The following HECW1 variants were observed in gnomAD, a reference collection of about 807,000 sequenced individuals.
HECW1 encodes HECT, C2 and WW domain containing E3 ubiquitin protein ligase 1, also known as E3 ubiquitin-protein ligase HECW1.
HECW1 carries 61 observed loss-of-function variants against 182.3 expected under a neutral mutation model. The observed-to-expected ratio is 0.33, with a 90% CI of 0.27 to 0.41. The LOEUF is 0.41. HECW1 is among the 10% of genes least tolerant of loss of function. The pLI, the probability that HECW1 is intolerant of heterozygous loss-of-function variation, is 1.00. For synonymous variants in HECW1, 859 were observed against 832.6 expected (o/e 1.03, Z -0.55); for missense variants, 1,739 against 2,108.9 (o/e 0.82, Z 3.44).
At chr7:43,468,068 C>T (rs2077861292) in intron 15 of HECW1, among the ~76,000 whole-genome samples, 1 of 152,000 alleles carries the variant, frequency 6.6e-6, no homozygotes, top group Admixed American at 6.5e-5. Flanking sequence ...CCCGTCTACA[C>T]GTGGTCTGTC....
intron 5 of HECW1, among the ~76,000 whole-genome samples, chr7:43,348,939 A>G (rs7784203): frequency 0.27 from 41,734 of 152,030 alleles, 7,287 homozygotes; most frequent in African/African-American, 0.49. Context: ...CATATGATCT[A>G]TCTTGGAGAA....
intron 8 of HECW1, among the ~76,000 whole-genome samples, chr7:43,426,378 T>G (rs145695886): frequency 1.8e-4 from 28 of 152,300 alleles, no homozygotes; most frequent in African/African-American, 6.7e-4. Flanking sequence ...AAAAGGTGAA[T>G]GTCAAAAGTC....
At chr7:43,132,172 C>T (rs1419415019) in intron 2 of HECW1, among the ~76,000 whole-genome samples, 1 of 151,820 alleles carries the variant, frequency 6.6e-6, no homozygotes, top group Non-Finnish European at 1.5e-5. Flanking sequence ...CAGCGCCCCC[C>T]CGCCCCAAGT....
chr7:43,166,396 A>T (rs553551712), intron 2 of HECW1, among the ~76,000 whole-genome samples: 49 of 152,120 alleles, frequency 3.2e-4, no homozygotes, highest in Non-Finnish European at 6.3e-4. Context: ...GGTGAAGGAG[A>T]TTGACTTTGA....
chr7:43,514,748 A>C (rs757471085), intron 24 of HECW1, among the ~76,000 whole-genome samples: 2 of 152,222 alleles, frequency 1.3e-5, no homozygotes, highest in Non-Finnish European at 2.9e-5. Flanking sequence ...ATAATGAAGG[A>C]TCCATTGAGA....
At chr7:43,328,841 CCT>C (rs1203008814) in intron 5 of HECW1, among the ~76,000 whole-genome samples, 1 of 152,096 alleles carries the variant, frequency 6.6e-6, no homozygotes, top group East Asian at 1.9e-4. Context: ...GGGTCAAGGC[CCT>C]ATTAACCCAA....
At chr7:43,380,433 T>C (rs546576599) in intron 6 of HECW1, among the ~76,000 whole-genome samples, 2 of 152,282 alleles carry the variant, frequency 1.3e-5, no homozygotes, top group South Asian at 4.1e-4. Flanking sequence ...TTTTTCATTC[T>C]TTTGTGTGAC....
intron 4 of HECW1, among the ~76,000 whole-genome samples, chr7:43,312,320 G>A (rs1260441823): frequency 6.6e-6 from 1 of 152,204 alleles, no homozygotes; most frequent in Admixed American, 6.5e-5. Flanking sequence ...AGAGTCAGGT[G>A]TGGTTAAACA....
intron 5 of HECW1, among the ~76,000 whole-genome samples, chr7:43,339,365 C>G (rs1012026761): frequency 1.3e-5 from 2 of 152,162 alleles, no homozygotes; most frequent in Non-Finnish European, 2.9e-5. Context: ...TTTACGAACC[C>G]TCTTTCTGCT....
intron 2 of HECW1, among the ~76,000 whole-genome samples, chr7:43,127,699 C>T (rs1001405143): frequency 1.3e-4 from 20 of 152,110 alleles, no homozygotes; most frequent in Non-Finnish European, 2.5e-4. Context: ...GAGACATGAG[C>T]AAGCTGCAGA....
intron 8 of HECW1, among the ~76,000 whole-genome samples, chr7:43,410,529 T>C (rs895073364): frequency 6.6e-6 from 1 of 152,158 alleles, no homozygotes; most frequent in African/African-American, 2.4e-5. Flanking sequence ...ACACATTCAG[T>C]CTATAACAGG....
At position 43,492,233 on chromosome 7, in the gene HECW1, CT is replaced by C; in HGVS notation, c.3340+55del. On this transcript the variant is annotated intron_variant, in intron 18 of 29. Transcript: ENST00000395891. Reference sequence around the variant, plus strand: ...GGCTCAAAGAATAGCAACACCTAGACTTGATTTTTTGTTTGTTTTTCTGGTT... The same window carrying C: ...GGCTCAAAGAATAGCAACACCTAGACTGATTTTTTGTTTGTTTTTCTGGTT... The C allele has an allele frequency of 4.7e-6, 6 of 1,282,990 alleles. No individual in the cohort carries two copies. The South Asian group carries it at 7.7e-5, about 17-fold the overall frequency. 79.5% of individuals were successfully genotyped at this position (1,282,990 alleles called of 1,614,324 possible). A position where few individuals can be genotyped will look rare whatever the true frequency, so the allele number is the denominator to read the frequency against.
At chr7:43,535,945 T>C (rs181332767) in intron 24 of HECW1, among the ~76,000 whole-genome samples, 124 of 152,316 alleles carry the variant, frequency 8.1e-4, no homozygotes, top group African/African-American at 2.9e-3. Context: ...AACAAAAACT[T>C]GCAACATACT....
chr7:43,482,981 A>C (rs1224808342), intron 17 of HECW1, among the ~76,000 whole-genome samples: 3 of 152,140 alleles, frequency 2.0e-5, no homozygotes, highest in Admixed American at 6.5e-5. Context: ...GGTACAAAGG[A>C]TGGGGAAGGG....
chr7:43,443,439 A>T (rs2076951629), intron 10 of HECW1, among the ~76,000 whole-genome samples: 1 of 152,246 alleles, frequency 6.6e-6, no homozygotes, highest in Non-Finnish European at 1.5e-5. Context: ...TATTCTGAGA[A>T]TACAACTGAC....
At position 43,565,956 on chromosome 7, in the gene HECW1, T is replaced by G; in HGVS notation, c.*4030T>G. 1 of 192,634 alleles carries G rather than the reference T, an allele frequency of 5.2e-6. No homozygotes were observed. The highest frequency in any genetic ancestry group is 1.1e-5 in the Non-Finnish European group (1 of 92,086). 11.9% of individuals were successfully genotyped at this position (192,634 alleles called of 1,614,324 possible). Reference sequence around the variant, plus strand: ...TACTCAGGCCGCGCTTTCTCTTCCATCACACCATCTTCAAGGAATGTCAAT... The same window carrying G: ...TACTCAGGCCGCGCTTTCTCTTCCAGCACACCATCTTCAAGGAATGTCAAT... On this transcript the variant is annotated 3_prime_UTR_variant, in exon 30 of 30. Transcript: ENST00000395891.
intron 8 of HECW1, among the ~76,000 whole-genome samples, chr7:43,414,045 C>A (rs1421811226): frequency 1.3e-5 from 2 of 151,650 alleles, no homozygotes; most frequent in Non-Finnish European, 2.9e-5. Flanking sequence ...TTACCCTGGG[C>A]AGTATGGCCA....
intron 6 of HECW1, among the ~76,000 whole-genome samples, chr7:43,363,672 A>G (rs1280106162): frequency 6.6e-6 from 1 of 152,156 alleles, no homozygotes; most frequent in African/African-American, 2.4e-5. Context: ...ACAATCCCAC[A>G]GGACTGTATT....
At position 43,509,158 on chromosome 7, in the gene HECW1, G is replaced by T. The variant is rs752864112; in HGVS notation, c.4019+37G>T. 12 of 1,602,826 alleles carry T rather than the reference G, an allele frequency of 7.5e-6. No individual in the cohort carries two copies. In the East Asian group the frequency reaches 2.7e-4, roughly 36 times the overall value. ...AATGTTCACTTTCTTGTATTTGAAA[G>T]TTCTCCTCTTTCTTAGTCAGAATTC... On this transcript the variant is annotated intron_variant, in intron 24 of 29. Coordinates refer to ENST00000395891, the MANE Select transcript of HECW1 (RefSeq NM_015052.5).
Sources: allele counts gnomAD v4.1 joint callset (sites outside exome capture counted in the v4.1 genomes callset), GRCh38; gene constraint gnomAD v4.1.1; transcripts MANE v1.5; gene names NCBI Gene and HGNC (gene_info 2026-07-23, HGNC 2026-07-21).